Variants in APOBEC3D observed in about 807,000 individuals in gnomAD.
APOBEC3D encodes apolipoprotein B mRNA editing enzyme catalytic subunit 3D, also known as DNA dC->dU-editing enzyme APOBEC-3D.
In APOBEC3D, 37 loss-of-function variants were observed where a neutral mutation model predicts 45.6. That is an observed-to-expected ratio of 0.81 (90% CI 0.62 to 1.07). The LOEUF (loss-of-function observed/expected upper bound fraction) is 1.07, where lower values mean the gene tolerates loss of function less well. Ranked by LOEUF, APOBEC3D falls within the 50% of genes least tolerant of loss-of-function variation. The pLI is 0.00. For missense variants in APOBEC3D, 496 were observed against 495.3 expected, an observed-to-expected ratio of 1.00 and a Z score of -0.01; for synonymous variants, 175 against 180.7, an observed-to-expected ratio of 0.97 and a Z score of 0.25.
At chr22:39,031,420 A>T (rs1279130687) in intron 5 of APOBEC3D, among the ~76,000 whole-genome samples, 2 of 152,146 alleles carry the variant, frequency 1.3e-5, no homozygotes, top group African/African-American at 4.8e-5. Flanking sequence ...TTACAAAAAA[A>T]TTAGCCGGGC....
chr22:39,030,625 T>A (rs1926115452), intron 5 of APOBEC3D, among the ~76,000 whole-genome samples: 1 of 151,976 alleles, frequency 6.6e-6, no homozygotes, highest in African/African-American at 2.4e-5. Context: ...ACGTTTCTAA[T>A]CAGAGCCCCA....
intron 4 of APOBEC3D, among the ~76,000 whole-genome samples, chr22:39,026,521 G>T (rs780707682): frequency 6.6e-6 from 1 of 152,206 alleles, no homozygotes; most frequent in Non-Finnish European, 1.5e-5. Flanking sequence ...GGGGGCTTGG[G>T]TCAAGCTTGG....
intron 4 of APOBEC3D, among the ~76,000 whole-genome samples, chr22:39,027,666 C>T (rs1925809138): frequency 6.6e-6 from 1 of 152,216 alleles, no homozygotes; most frequent in African/African-American, 2.4e-5. Context: ...CCCGTTCTGC[C>T]CATGGGGCCT....
intron 2 of APOBEC3D, among the ~76,000 whole-genome samples, chr22:39,023,587 C>T (rs1475658268): frequency 2.0e-5 from 3 of 151,828 alleles, no homozygotes; most frequent in Non-Finnish European, 4.4e-5. Flanking sequence ...GCAGGGATTA[C>T]AGGTGCACGC....
intron 5 of APOBEC3D, 125 bp downstream of exon 5, chr22:39,029,644 T>A: frequency 8.5e-7 from 1 of 1,173,468 alleles, no homozygotes; most frequent in Non-Finnish European, 1.1e-6. Context: ...TTTCTTTCTT[T>A]TTTTTTTTTT....
chr22:39,021,501 C>G lies in APOBEC3D; in HGVS notation c.-19C>G, dbSNP rs373317174. ...AAAAAAAGAGGGAGACTGGGACAAGCGTATCTAAGAGGCTGAACATGAATC... is the reference window on the plus strand; with the variant it reads ...AAAAAAAGAGGGAGACTGGGACAAGGGTATCTAAGAGGCTGAACATGAATC... On this transcript the variant is annotated 5_prime_UTR_variant, in exon 1 of 7. Coordinates refer to ENST00000216099, the MANE Select transcript of APOBEC3D (RefSeq NM_152426.4). 6.2e-6 allele frequency: 10 copies of G among 1,614,040 alleles called. No homozygotes were observed. Among genetic ancestry groups the G allele is most frequent in the Admixed American group, 1.7e-5 (1 of 60,004 alleles).
At chr22:39,029,625 C>T in intron 5 of APOBEC3D, 106 bp downstream of exon 5, 2 of 1,323,438 alleles carry the variant, frequency 1.5e-6, no homozygotes, top group Non-Finnish European at 2.0e-6. Flanking sequence ...TGTGTACTTT[C>T]CTCTTACATT....
chr22:39,027,307 A>G (rs1423984230), intron 4 of APOBEC3D, among the ~76,000 whole-genome samples: 14 of 152,186 alleles, frequency 9.2e-5, no homozygotes, highest in Middle Eastern at 3.4e-3. Flanking sequence ...ACCCCCACCC[A>G]CTATTCCTCC....
At chr22:39,025,510 C>G (rs1179740754) in intron 3 of APOBEC3D, 47 bp from the exon 4 acceptor site, 3 of 1,614,014 alleles carry the variant, frequency 1.9e-6, no homozygotes, top group Non-Finnish European at 1.7e-6. Context: ...GGAGGGCAGG[C>G]CCAGGGTCAG....
intron 5 of APOBEC3D, among the ~76,000 whole-genome samples, chr22:39,029,721 A>C (rs1926021665): frequency 6.7e-6 from 1 of 150,366 alleles, no homozygotes; most frequent in Admixed American, 6.7e-5. Flanking sequence ...CCTCAGCCTC[A>C]TGGGTAGCTG....
chr22:39,025,300 C>T lies in APOBEC3D; in HGVS notation c.441C>T (p.Leu147=), dbSNP rs1925526642. The change falls in exon 3 of 7, where the codon CTC becomes CTT. Residue 147 remains leucine (L), a synonymous_variant. Transcript: ENST00000216099. ...YYRDRDWRWV[L]LRLHKAGARV... is the part of the protein sequence containing the mutation. ...GGGATAGAGATTGGCGGTGGGTGCT[C>T]CTCAGGCTGCATAAGGCAGGGGCCC... 6.2e-7 allele frequency: 1 copy of T among 1,614,096 alleles called. No individual in the cohort carries two copies. Among genetic ancestry groups the T allele is most frequent in the African/African-American group, 1.3e-5 (1 of 75,018 alleles).
chr22:39,029,584 A>C, intron 5 of APOBEC3D, 65 bp downstream of exon 5: 2 of 1,584,328 alleles, frequency 1.3e-6, no homozygotes, highest in Non-Finnish European at 1.7e-6. Flanking sequence ...AGAAAACACA[A>C]TACGTGACGT....
chr22:39,023,112 T>TATTTATTTATTC (rs1231469048), intron 2 of APOBEC3D, 98 bp downstream of exon 2: 1 of 782,422 alleles, frequency 1.3e-6, no homozygotes, highest in African/African-American at 2.7e-5. Context: ...TTTTTCTATT[T>TATTTATTTATTC]ATTTATTTAT....
At chr22:39,022,372 C>A (rs930693216) in intron 1 of APOBEC3D, among the ~76,000 whole-genome samples, 1 of 152,234 alleles carries the variant, frequency 6.6e-6, no homozygotes, top group African/African-American at 2.4e-5. Context: ...AGCCCACCCC[C>A]ACGCAGCACT....
In APOBEC3D at chr22:39,021,530, A is replaced by C. The variant is rs760959455; in HGVS notation, c.11A>C (p.Gln4Pro). 1 of 1,614,134 alleles carries C rather than the reference A, an allele frequency of 6.2e-7. No homozygotes were observed. The highest frequency in any genetic ancestry group is 8.5e-7 in the Non-Finnish European group (1 of 1,180,018). Residue 4 changes from glutamine to proline, a missense_variant, in exon 1 of 7, where the codon CAG becomes CCG. Physicochemically the swap from Gln to Pro is moderately conservative, Grantham distance 76. Coordinates refer to ENST00000216099, the MANE Select transcript of APOBEC3D (RefSeq NM_152426.4). ...TCTAAGAGGCTGAACATGAATCCAC[A>C]GATCAGGTACCGCTGCCCACTATGT... MNP[Q>P]IRNPMERMYR...
chr22:39,032,035 C>G (rs1926275124), intron 6 of APOBEC3D, 62 bp downstream of exon 6: 1 of 1,604,350 alleles, frequency 6.2e-7, no homozygotes, highest in Non-Finnish European at 8.5e-7. Context: ...GCAGGTGGGT[C>G]TGCAATGCCG....
At chr22:39,023,786 T>C (rs1925362310) in intron 2 of APOBEC3D, among the ~76,000 whole-genome samples, 1 of 152,022 alleles carries the variant, frequency 6.6e-6, no homozygotes, top group Non-Finnish European at 1.5e-5. Flanking sequence ...GGCCCAGACC[T>C]TCCTGCTTGA....
Position 39,021,557 on chromosome 22 carries a change from C to T in APOBEC3D, c.17+21C>T, listed in dbSNP as rs370360323. 8.4e-5 allele frequency: 136 copies of T among 1,611,814 alleles called. No individual in the cohort carries two copies. In the African/African-American group the frequency reaches 1.3e-3, roughly 15 times the overall value. Reference sequence around the variant, plus strand: ...ATCAGGTACCGCTGCCCACTATGTCCGCAGGGCCCCTCCGGCCCCTTCCTT... The same window carrying T: ...ATCAGGTACCGCTGCCCACTATGTCTGCAGGGCCCCTCCGGCCCCTTCCTT... On this transcript the variant is annotated intron_variant, in intron 1 of 6. Coordinates refer to ENST00000216099, the MANE Select transcript of APOBEC3D (RefSeq NM_152426.4).
intron 3 of APOBEC3D, 43 bp downstream of exon 3, chr22:39,025,392 G>T: frequency 6.2e-7 from 1 of 1,612,260 alleles, no homozygotes. Context: ...GGGAGGAACA[G>T]CCTCAGAGAT....
Sources: gnomAD v4.1 joint callset for allele counts (sites outside exome capture counted in the v4.1 genomes callset) on GRCh38, gnomAD v4.1.1 for gene constraint, MANE v1.5 for transcripts, NCBI Gene and HGNC (gene_info 2026-07-23, HGNC 2026-07-21) for gene names.